STX3: variants seen among roughly 807,000 people sequenced by gnomAD.
STX3 encodes the protein syntaxin 3.
In STX3, 19 loss-of-function variants were observed where a neutral mutation model predicts 40.2. The ratio of observed to expected loss-of-function variants is 0.47; its 90% confidence interval spans 0.33 to 0.69. The LOEUF is 0.69. Ranked by LOEUF, STX3 falls within the 30% of genes least tolerant of loss-of-function variation. The pLI, the probability that STX3 is intolerant of heterozygous loss-of-function variation, is 0.02. For synonymous variants in STX3, 122 were observed against 132.2 expected (o/e 0.92, Z 0.53); for missense variants, 364 against 366.7 (o/e 0.99, Z 0.06).
chr11:59,770,334 G>A (rs1413428051), intron 1 of STX3, among the ~76,000 whole-genome samples: 1 of 146,486 alleles, frequency 6.8e-6, no homozygotes, highest in African/African-American at 2.5e-5. Flanking sequence ...TGTGTATATG[G>A]GGTGTGGGTG....
chr11:59,772,570 C>T (rs1159270076), intron 1 of STX3, among the ~76,000 whole-genome samples: 1 of 152,122 alleles, frequency 6.6e-6, no homozygotes, highest in Admixed American at 6.5e-5. Context: ...AAAGCTTGTC[C>T]TTTGTAGGAA....
intron 1 of STX3, among the ~76,000 whole-genome samples, chr11:59,769,987 G>A (rs974370864): frequency 3.3e-5 from 5 of 150,818 alleles, no homozygotes; most frequent in African/African-American, 4.9e-5. Context: ...GTGTGTGGGA[G>A]GGTTATGAGT....
intron 1 of STX3, among the ~76,000 whole-genome samples, chr11:59,756,373 A>G (rs1862718300): frequency 6.6e-6 from 1 of 152,232 alleles, no homozygotes; most frequent in African/African-American, 2.4e-5. Flanking sequence ...TGATACAGAA[A>G]AGGGTTAACG....
At chr11:59,761,565 G>A (rs755559447) in intron 1 of STX3, among the ~76,000 whole-genome samples, 21 of 152,160 alleles carry the variant, frequency 1.4e-4, no homozygotes, top group Non-Finnish European at 2.5e-4. Flanking sequence ...TTATTTGCCC[G>A]CAGATTCTGT....
At chr11:59,763,192 G>C (rs1318339203) in intron 1 of STX3, among the ~76,000 whole-genome samples, 3 of 152,188 alleles carry the variant, frequency 2.0e-5, no homozygotes, top group African/African-American at 7.2e-5. Flanking sequence ...TGGGTGATGA[G>C]ACCTTGAGAT....
At chr11:59,782,545 TGAGAGAACTGGTG>T in intron 2 of STX3, among the ~76,000 whole-genome samples, 1 of 152,206 alleles carries the variant, frequency 6.6e-6, no homozygotes, top group African/African-American at 2.4e-5. Flanking sequence ...ATTTCACAGA[TGAGAGAACTGGTG>T]CTTAGGGACA....
rs1333761860 is a variant in STX3, at chr11:59,786,243, C to CTT, written c.115-779_115-778dup. On this transcript the variant is annotated intron_variant, in intron 2 of 10. Transcript: ENST00000337979. Reference sequence around the variant, plus strand: ...GTTTTCTTTATCTGTTTCTTTCTTTCTTTTTTTTTTTTTTTTGAGGCAGTC... The same window carrying CTT: ...GTTTTCTTTATCTGTTTCTTTCTTTCTTTTTTTTTTTTTTTTTTGAGGCAGTC... Among the ~76,000 whole-genome samples the CTT allele has an allele frequency of 7.4e-3, 1,001 of 135,512 alleles. 8 individuals are homozygous for CTT. The highest frequency in any genetic ancestry group is 0.013 in the Non-Finnish European group (810 of 62,240). The allele number at this position is 135,512 out of a possible 152,430, so 88.9% of individuals were successfully genotyped here. A position where few individuals can be genotyped will look rare whatever the true frequency, so the allele number is the denominator to read the frequency against.
At chr11:59,800,450 T>C in intron 10 of STX3, 1 of 985,388 alleles carries the variant, frequency 1.0e-6, no homozygotes, top group Non-Finnish European at 1.2e-6. Flanking sequence ...TTTCATTGTG[T>C]CCTTCTGTTT....
At position 59,801,070 on chromosome 11, in the gene STX3, A is replaced by G. The variant is rs185985355; in HGVS notation, c.*246A>G. The G allele has an allele frequency of 2.4e-4, 348 of 1,455,916 alleles. 4 individuals are homozygous for G. In the East Asian group the frequency reaches 7.4e-3, roughly 31 times the overall value. 90.2% of individuals were successfully genotyped at this position (1,455,916 alleles called of 1,614,324 possible). On this transcript the variant is annotated 3_prime_UTR_variant, in exon 11 of 11. Transcript: ENST00000337979. The stretch of plus-strand genomic sequence containing the variant: ...GCCTCCTCCTGCCCCACCAGCTCTC[A>G]AGTACCTTTTCTCCTGGACTGTGTG...
At chr11:59,766,295 G>A (rs1863279697) in intron 1 of STX3, among the ~76,000 whole-genome samples, 1 of 151,892 alleles carries the variant, frequency 6.6e-6, no homozygotes, top group Non-Finnish European at 1.5e-5. Context: ...CGTTGCAGAT[G>A]TGTTTTAACT....
intron 2 of STX3, 55 bp from the exon 3 acceptor site, chr11:59,786,982 C>A: frequency 1.3e-6 from 2 of 1,490,954 alleles, no homozygotes; most frequent in South Asian, 1.2e-5. Context: ...TTTATCTCAG[C>A]CATGGACCTG....
chr11:59,772,516 G>A (rs986422369), intron 1 of STX3, among the ~76,000 whole-genome samples: 2 of 152,112 alleles, frequency 1.3e-5, no homozygotes, highest in Non-Finnish European at 2.9e-5. Context: ...TGTGATAGGT[G>A]GTTTCTGAAA....
At chr11:59,797,669 GCACCC>G (rs1865603267) in intron 10 of STX3, among the ~76,000 whole-genome samples, 1 of 152,158 alleles carries the variant, frequency 6.6e-6, no homozygotes, top group Non-Finnish European at 1.5e-5. Context: ...GCATACCTGA[GCACCC>G]CAGGTGACTC....
intron 2 of STX3, among the ~76,000 whole-genome samples, chr11:59,777,664 G>T (rs952686866): frequency 1.3e-5 from 2 of 152,178 alleles, no homozygotes; most frequent in African/African-American, 4.8e-5. Context: ...TTAAAGGTCA[G>T]CTTGGGGTTC....
intron 1 of STX3, among the ~76,000 whole-genome samples, chr11:59,756,773 A>C (rs1435669240): frequency 6.6e-6 from 1 of 152,242 alleles, no homozygotes; most frequent in African/African-American, 2.4e-5. Flanking sequence ...TGTAAGGTCG[A>C]AATGCAACAG....
At chr11:59,768,958 G>GT (rs1438110017) in intron 1 of STX3, among the ~76,000 whole-genome samples, 1 of 152,214 alleles carries the variant, frequency 6.6e-6, no homozygotes, top group Non-Finnish European at 1.5e-5. Flanking sequence ...CTATTGCATA[G>GT]TAGTGAGGTC....
At chr11:59,780,848 C>A (rs1024208546) in intron 2 of STX3, among the ~76,000 whole-genome samples, 1 of 152,166 alleles carries the variant, frequency 6.6e-6, no homozygotes, top group Non-Finnish European at 1.5e-5. Context: ...TTTTCACTTT[C>A]CTGACTAAGT....
At chr11:59,757,601 A>C (rs1862790941) in intron 1 of STX3, among the ~76,000 whole-genome samples, 1 of 152,158 alleles carries the variant, frequency 6.6e-6, no homozygotes, top group Non-Finnish European at 1.5e-5. Flanking sequence ...GGTGAAAGTG[A>C]GACTGGAGAT....
intron 2 of STX3, among the ~76,000 whole-genome samples, chr11:59,781,071 TCAA>T (rs1267345414): frequency 6.7e-6 from 1 of 150,194 alleles, no homozygotes; most frequent in Non-Finnish European, 1.5e-5. Flanking sequence ...TCCCTTTTCA[TCAA>T]CATTTGTTTT....
Sources: allele counts gnomAD v4.1 joint callset (sites outside exome capture counted in the v4.1 genomes callset), GRCh38; gene constraint gnomAD v4.1.1; transcripts MANE v1.5; gene names NCBI Gene and HGNC (gene_info 2026-07-23, HGNC 2026-07-21).